GAPDHS: variants seen among roughly 807,000 people sequenced by gnomAD.
GAPDHS encodes glyceraldehyde-3-phosphate dehydrogenase, testis-specific.
Under a neutral mutation model 48.7 loss-of-function variants are expected in GAPDHS, and 42 were observed. That is an observed-to-expected ratio of 0.86 (90% CI 0.67 to 1.12). The LOEUF (loss-of-function observed/expected upper bound fraction) is 1.12. GAPDHS is among the 50% of genes most tolerant of loss of function. The pLI is 0.00. For synonymous variants in GAPDHS, 166 were observed against 219.1 expected, an observed-to-expected ratio of 0.76 and a Z score of 2.14; for missense variants, 512 against 557.7, an observed-to-expected ratio of 0.92 and a Z score of 0.82.
chr19:35,534,497 G>A (rs887418459), intron 1 of GAPDHS, among the ~76,000 whole-genome samples: 4 of 152,148 alleles, frequency 2.6e-5, no homozygotes, highest in Non-Finnish European at 5.9e-5. Context: ...ACGCAGTGAG[G>A]AGCTGGGGGC....
In GAPDHS at chr19:35,542,325, G is replaced by A. The variant is rs1354134950; in HGVS notation, c.456G>A (p.Glu152=). Residue 152 remains glutamate (E), a synonymous_variant, in exon 5 of 11, where the codon GAG becomes GAA. Transcript: ENST00000222286. ...CCCTGCCACTTCCCCACAGCAAAGA[G>A]CCCAAACAGATCCCCTGGAGGGCTG... is the stretch of plus-strand genomic sequence containing the variant. The part of the protein sequence containing the change: ...NHEISVYQCK[E]PKQIPWRAVG... The A allele has an allele frequency of 3.7e-6, 6 of 1,610,056 alleles. No homozygotes were observed. In the African/African-American group the frequency reaches 6.7e-5, roughly 18 times the overall value.
chr19:35,542,957 C>T lies in GAPDHS; in HGVS notation c.672C>T (p.Cys224=). Residue 224 remains cysteine (C), a synonymous_variant, in exon 7 of 11, where the codon TGC becomes TGT. Transcript: ENST00000222286. ...GSMNIVSNAS[C]TTNCLAPLAK... ...TTGGCTGTTTCAGCAACGCGTCCTG[C>T]ACCACCAACTGTTTGGCTCCCCTCG... The T allele has an allele frequency of 1.9e-6, 3 of 1,613,908 alleles. No individual in the cohort carries two copies. Among genetic ancestry groups the T allele is most frequent in the African/African-American group, 1.3e-5 (1 of 75,058 alleles).
intron 4 of GAPDHS, chr19:35,541,711 A>C: frequency 6.6e-6 from 1 of 151,328 alleles, no homozygotes; most frequent in East Asian, 2.0e-4. Flanking sequence ...CCAAGTAAAA[A>C]CATAAATTTA....
intron 2 of GAPDHS, among the ~76,000 whole-genome samples, chr19:35,538,080 T>A (rs1348204660): frequency 6.3e-4 from 15 of 23,732 alleles, no homozygotes; most frequent in African/African-American, 1.7e-3. Flanking sequence ...CATCTCAAAA[T>A]ATATATATAT....
chr19:35,536,374 G>A (rs1801320189), intron 1 of GAPDHS, among the ~76,000 whole-genome samples: 1 of 151,974 alleles, frequency 6.6e-6, no homozygotes, highest in Admixed American at 6.6e-5. Flanking sequence ...AAGGTCAGGA[G>A]TTCGAGACCA....
chr19:35,543,175 A>G (rs1050097867), intron 7 of GAPDHS, 149 bp downstream of exon 7: 4 of 1,003,178 alleles, frequency 4.0e-6, no homozygotes, highest in Non-Finnish European at 6.2e-6. Context: ...AACACTGTGC[A>G]ACCCTCAGGC....
In GAPDHS at chr19:35,545,227, G is replaced by C. The variant is rs2071538414; in HGVS notation, c.*57G>C. 1.4e-6 allele frequency: 2 copies of C among 1,446,434 alleles called. No individual in the cohort carries two copies. The highest frequency in any genetic ancestry group is 1.7e-5 in the Admixed American group (1 of 59,622). 89.6% of individuals were successfully genotyped at this position (1,446,434 alleles called of 1,614,324 possible). The stretch of plus-strand genomic sequence containing the variant: ...GCCGGGGCCGGAACATGTGCCTCCC[G>C]TTCCAGCATCTGGCTGCCCGGGGGA... On this transcript the variant is annotated 3_prime_UTR_variant, in exon 11 of 11. Transcript: ENST00000222286.
At chr19:35,538,940 G>A (rs1459860674) in intron 4 of GAPDHS, among the ~76,000 whole-genome samples, 1 of 152,092 alleles carries the variant, frequency 6.6e-6, no homozygotes, top group African/African-American at 2.4e-5. Context: ...TAGGGACGGG[G>A]TATCACTCTT....
Position 35,542,599 on chromosome 19 carries a change from A to G in GAPDHS, c.650A>G (p.Asn217Ser), listed in dbSNP as rs1256832510. 1 of 1,604,840 alleles carries G rather than the reference A, an allele frequency of 6.2e-7. No individual in the cohort carries two copies. The highest frequency in any genetic ancestry group is 1.3e-5 in the African/African-American group (1 of 74,768). ...NENDYNPGSMNIVSNASCTTN... is the reference protein window; with the variant it reads ...NENDYNPGSMSIVSNASCTTN... ...AATGACTATAACCCTGGCTCCATGA[A>G]CATTGTGAGGTAATGTGGGCAGTGA... Residue 217 changes from asparagine (N) to serine (S), a missense_variant, in exon 6 of 11, where the codon AAC becomes AGC. Transcript: ENST00000222286.
chr19:35,542,177 A>G (rs2146296616), intron 4 of GAPDHS, 142 bp from the exon 5 acceptor site: 1 of 637,768 alleles, frequency 1.6e-6, no homozygotes. Context: ...CCCATCTGGA[A>G]CAAGTAGGTG....
Position 35,533,458 on chromosome 19 carries a change from C to A in GAPDHS, c.-70C>A. ...AGGGCAATTAGCCCAGGACCCACAG[C>A]CCTGGCGCTCCGCACGCACCTCGGT... On this transcript the variant is annotated 5_prime_UTR_variant, in exon 1 of 11. Transcript: ENST00000222286. The A allele has an allele frequency of 1.5e-6, 2 of 1,363,772 alleles. No individual in the cohort carries two copies. The highest frequency in any genetic ancestry group is 1.0e-6 in the Non-Finnish European group (1 of 954,008). 84.5% of individuals were successfully genotyped at this position (1,363,772 alleles called of 1,614,324 possible). A position where few individuals can be genotyped will look rare whatever the true frequency, so the allele number is the denominator to read the frequency against.
rs567628466 is a variant in GAPDHS, at chr19:35,533,539, C to G, written c.12C>G (p.Arg4=). MSK[R]DIVLTNVTVV... ...CCTTATAAGAGGCCATGTCGAAGCG[C>G]GACATCGTCCTCACCAATGTCACCG... is the stretch of plus-strand genomic sequence containing the variant. The change falls in exon 1 of 11, where the codon CGC becomes CGG. Residue 4 remains arginine, a synonymous_variant. Transcript: ENST00000222286. The G allele has an allele frequency of 1.9e-6, 3 of 1,613,622 alleles. No homozygotes were observed. Among genetic ancestry groups the G allele is most frequent in the Non-Finnish European group, 2.5e-6 (3 of 1,179,830 alleles).
At chr19:35,541,720 TATA>T (rs1408381844) in intron 4 of GAPDHS, 2 of 151,226 alleles carry the variant, frequency 1.3e-5, no homozygotes, top group African/African-American at 4.9e-5. Flanking sequence ...AACATAAATT[TATA>T]AAACAGGAAA....
At chr19:35,543,175 A>C (rs1050097867) in intron 7 of GAPDHS, 149 bp downstream of exon 7, 9 of 1,003,060 alleles carry the variant, frequency 9.0e-6, no homozygotes, top group Admixed American at 2.0e-5. Context: ...AACACTGTGC[A>C]ACCCTCAGGC....
Position 35,533,461 on chromosome 19 carries a change from T to TG in GAPDHS, c.-65dup. ...GCAATTAGCCCAGGACCCACAGCCC[T>TG]GGCGCTCCGCACGCACCTCGGTAAC... On this transcript the variant is annotated 5_prime_UTR_variant, in exon 1 of 11. Coordinates refer to ENST00000222286, the MANE Select transcript of GAPDHS (RefSeq NM_014364.5). 1 of 1,416,978 alleles carries TG rather than the reference T, an allele frequency of 7.1e-7. No individual in the cohort carries two copies. Among genetic ancestry groups the TG allele is most frequent in the South Asian group, 1.1e-5 (1 of 87,088 alleles). 87.8% of individuals were successfully genotyped at this position (1,416,978 alleles called of 1,614,324 possible). A position where few individuals can be genotyped will look rare whatever the true frequency, so the allele number is the denominator to read the frequency against.
In GAPDHS at chr19:35,542,997, GA is replaced by G. The variant is rs2071515831; in HGVS notation, c.713del (p.Glu238GlyfsTer9). 6.2e-7 allele frequency: 1 copy of G among 1,613,978 alleles called. No individual in the cohort carries two copies. The highest frequency in any genetic ancestry group is 2.2e-5 in the East Asian group (1 of 44,886). On this transcript the variant is annotated frameshift_variant, in exon 7 of 11. Coordinates refer to ENST00000222286, the MANE Select transcript of GAPDHS (RefSeq NM_014364.5). LOFTEE classifies it high-confidence loss of function. ...CLAPLAKVIH[E>X]RFGIVEGLMT... ...GGCTCCCCTCGCCAAAGTCATCCAC[GA>G]GCGATTTGGGATCGTGGAAGGGTTG...
chr19:35,542,408 C>G lies in GAPDHS; in HGVS notation c.539C>G (p.Ser180Trp). Residue 180 changes from serine to tryptophan, a missense_variant and splice_region_variant, in exon 5 of 11, where the codon TCG (serine) becomes TGG (tryptophan). Coordinates refer to ENST00000222286, the MANE Select transcript of GAPDHS (RefSeq NM_014364.5). ...TGVYLSIQAA[S>W]DHISAGAQRV... is the part of the protein sequence containing the mutation. ...GTGTACCTCTCCATACAGGCAGCTT[C>G]GGTAAGCTGGGGAGAGGTGCCCAGG... 6.3e-7 allele frequency: 1 copy of G among 1,598,302 alleles called. No individual in the cohort carries two copies. Among genetic ancestry groups the G allele is most frequent in the Non-Finnish European group, 8.6e-7 (1 of 1,165,938 alleles).
In GAPDHS at chr19:35,545,178, A is replaced by T; in HGVS notation, c.*8A>T. 1 of 1,610,298 alleles carries T rather than the reference A, an allele frequency of 6.2e-7. No individual in the cohort carries two copies. Among genetic ancestry groups the T allele is most frequent in the Non-Finnish European group, 8.5e-7 (1 of 1,176,470 alleles). ...TTCAGCCGAGACAAGTGAAACGGGA[A>T]GGTCCTTTCTTTCCTTCCCAGGGGC... On this transcript the variant is annotated 3_prime_UTR_variant, in exon 11 of 11. Coordinates refer to ENST00000222286, the MANE Select transcript of GAPDHS (RefSeq NM_014364.5).
At chr19:35,541,494 C>G (rs1446394273) in intron 4 of GAPDHS, 1 of 151,582 alleles carries the variant, frequency 6.6e-6, no homozygotes, top group East Asian at 1.9e-4. Context: ...ATTGAACCCC[C>G]CATTGAGGGG....
Sources: allele counts gnomAD v4.1 joint callset (sites outside exome capture counted in the v4.1 genomes callset), GRCh38; gene constraint gnomAD v4.1.1; transcripts MANE v1.5; gene names NCBI Gene and HGNC (gene_info 2026-07-23, HGNC 2026-07-21).